The following RARB variants were observed in gnomAD, a reference collection of about 807,000 sequenced individuals.
The protein encoded by RARB is retinoic acid receptor beta.
A neutral mutation model predicts 51.9 loss-of-function variants in RARB; 17 were observed. That is an observed-to-expected ratio of 0.33 (90% CI 0.22 to 0.49). The LOEUF (loss-of-function observed/expected upper bound fraction) is 0.49, where lower values mean the gene tolerates loss of function less well. Ranked by LOEUF, RARB falls within the 20% of genes least tolerant of loss-of-function variation. The pLI is 0.99. For missense variants in RARB, 369 were observed against 550.8 expected (o/e 0.67, Z 3.30); for synonymous variants, 215 against 195.4 (o/e 1.10, Z -0.84).
At chr3:25,208,844 C>T (rs1234697970) in intron 5 of RARB, among the ~76,000 whole-genome samples, 6 of 152,152 alleles carry the variant, frequency 3.9e-5, no homozygotes, top group East Asian at 1.9e-4. Flanking sequence ...GCCCATCATA[C>T]TCCTGGGAAG....
chr3:25,200,413 G>C (rs1339828126), intron 5 of RARB, among the ~76,000 whole-genome samples: 1 of 151,986 alleles, frequency 6.6e-6, no homozygotes, highest in Non-Finnish European at 1.5e-5. Context: ...TCTGATGGTA[G>C]TTTCTTTTGC....
At chr3:24,980,713 C>T (rs886317026) in intron 2 of RARB, among the ~76,000 whole-genome samples, 1 of 152,138 alleles carries the variant, frequency 6.6e-6, no homozygotes, top group Non-Finnish European at 1.5e-5. Flanking sequence ...TTAGAACATG[C>T]TCCTTTAGCT....
chr3:25,138,448 T>C (rs757488359), intron 4 of RARB, among the ~76,000 whole-genome samples: 75 of 151,968 alleles, frequency 4.9e-4, no homozygotes, highest in Non-Finnish European at 1.0e-3. Flanking sequence ...TACCAAGGTA[T>C]ATAGAGTAAT....
At chr3:25,248,251 CTA>C (rs1393751602) in intron 5 of RARB, among the ~76,000 whole-genome samples, 2 of 152,046 alleles carry the variant, frequency 1.3e-5, no homozygotes, top group East Asian at 1.9e-4. Context: ...TACTTTCAAT[CTA>C]TATGTCTTTA....
intron 3 of RARB, among the ~76,000 whole-genome samples, chr3:25,117,260 G>A (rs1311414689): frequency 6.6e-6 from 1 of 152,268 alleles, no homozygotes; most frequent in South Asian, 2.1e-4. Flanking sequence ...GCGCCTGAAG[G>A]TGTGTAACAG....
At chr3:25,525,933 G>T (rs1229154813) in intron 3 of RARB, among the ~76,000 whole-genome samples, 1 of 152,224 alleles carries the variant, frequency 6.6e-6, no homozygotes, top group Non-Finnish European at 1.5e-5. Context: ...TGAGCTGTAG[G>T]CTAGGGGGTG....
chr3:25,570,761 A>G (rs1700676684), intron 4 of RARB, among the ~76,000 whole-genome samples: 2 of 152,238 alleles, frequency 1.3e-5, no homozygotes, highest in African/African-American at 2.4e-5. Flanking sequence ...GAATTAATAC[A>G]ACTAGAATGT....
At chr3:25,327,694 A>C (rs1704766911) in intron 5 of RARB, among the ~76,000 whole-genome samples, 1 of 152,242 alleles carries the variant, frequency 6.6e-6, no homozygotes. Flanking sequence ...TGACCAACAT[A>C]AATCAGAAAT....
chr3:25,459,832 G>A (rs1361663138), intron 1 of RARB, among the ~76,000 whole-genome samples: 2 of 152,152 alleles, frequency 1.3e-5, no homozygotes, highest in Admixed American at 1.3e-4. Context: ...AAGCAATTTG[G>A]AGACTAGAAG....
chr3:25,253,064 C>G (rs1379526549), intron 5 of RARB, among the ~76,000 whole-genome samples: 2 of 152,146 alleles, frequency 1.3e-5, no homozygotes, highest in Non-Finnish European at 2.9e-5. Flanking sequence ...ATTCACAAAT[C>G]TTGATTACAT....
At chr3:25,524,653 T>TCCCTCCC in intron 3 of RARB, among the ~76,000 whole-genome samples, 1 of 125,442 alleles carries the variant, frequency 8.0e-6, no homozygotes, top group Admixed American at 8.1e-5. Flanking sequence ...CCCTCCCTCC[T>TCCCTCCC]TCCTTCCTTC....
At chr3:25,051,901 G>C (rs997596472) in intron 2 of RARB, among the ~76,000 whole-genome samples, 17 of 152,142 alleles carry the variant, frequency 1.1e-4, no homozygotes, top group Admixed American at 8.5e-4. Flanking sequence ...TGTGTGAAAA[G>C]ACTTTCTCAC....
chr3:25,501,118 G>T, intron 2 of RARB, 64 bp from the exon 3 acceptor site: 2 of 1,511,090 alleles, frequency 1.3e-6, no homozygotes, highest in Non-Finnish European at 1.8e-6. Flanking sequence ...GATAAGGTTG[G>T]CTTTGATTTC....
chr3:25,322,460 T>A (rs971112656), intron 5 of RARB, among the ~76,000 whole-genome samples: 1 of 152,216 alleles, frequency 6.6e-6, no homozygotes, highest in African/African-American at 2.4e-5. Flanking sequence ...ATTTTCTTAC[T>A]GGCCAAGTAC....
At chr3:25,166,059 C>T (rs1700555653) in intron 4 of RARB, among the ~76,000 whole-genome samples, 1 of 151,926 alleles carries the variant, frequency 6.6e-6, no homozygotes, top group African/African-American at 2.4e-5. Flanking sequence ...TTCATCCTCC[C>T]TCACTCGGTG....
intron 2 of RARB, among the ~76,000 whole-genome samples, chr3:25,462,708 G>C (rs1463912054): frequency 6.6e-6 from 1 of 152,302 alleles, no homozygotes; most frequent in East Asian, 1.9e-4. Context: ...ACTTGGCTAG[G>C]CTCCACCATG....
chr3:25,111,583 G>GTTTTTTTT (rs370598264), intron 3 of RARB, among the ~76,000 whole-genome samples: 137 of 120,864 alleles, frequency 1.1e-3, no homozygotes, highest in African/African-American at 3.9e-3. Context: ...TCTAACAGTG[G>GTTTTTTTT]TTTTTTTTTT....
chr3:25,132,461 A>G lies in RARB; in HGVS notation c.-280+253A>G, dbSNP rs564026253. 2.2e-4 allele frequency among the ~76,000 whole-genome samples: 34 copies of G among 152,050 alleles called. No individual in the cohort carries two copies. In the East Asian group the frequency reaches 6.6e-3, roughly 29 times the overall value. ...GCTTGCCCATATTAACACATTTAAT[A>G]ATAGCAGGAGCTAGAATCCTTATTA... On this transcript the variant is annotated intron_variant, in intron 4 of 11. Coordinates refer to the RARB transcript ENST00000383772.
intron 1 of RARB, among the ~76,000 whole-genome samples, chr3:25,455,935 A>T (rs1458413823): frequency 6.6e-6 from 1 of 152,248 alleles, no homozygotes; most frequent in Non-Finnish European, 1.5e-5. Flanking sequence ...TGCTTCTCCA[A>T]ACTGAAATCA....
Sources: allele counts gnomAD v4.1 joint callset (sites outside exome capture counted in the v4.1 genomes callset), GRCh38; gene constraint gnomAD v4.1.1; transcripts MANE v1.5; gene names NCBI Gene and HGNC (gene_info 2026-07-23, HGNC 2026-07-21).